Variants in DPYSL3 observed in about 807,000 individuals in gnomAD.
DPYSL3 encodes the protein dihydropyrimidinase like 3.
Under a neutral mutation model 66.1 loss-of-function variants are expected in DPYSL3, and 16 were observed. That is an observed-to-expected ratio of 0.24 (90% confidence interval 0.16 to 0.37). The LOEUF (loss-of-function observed/expected upper bound fraction) is 0.37, where lower values mean the gene tolerates loss of function less well. Among genes scored for constraint, DPYSL3 ranks in the 10% least tolerant of loss-of-function variants. The pLI is 1.00. For missense variants in DPYSL3, 738 were observed against 916.2 expected (o/e 0.81, Z 2.51); for synonymous variants, 338 against 345.1 (o/e 0.98, Z 0.23).
chr5:147,480,413 C>T (rs563136197), intron 1 of DPYSL3, among the ~76,000 whole-genome samples: 8 of 152,204 alleles, frequency 5.3e-5, no homozygotes, highest in East Asian at 3.9e-4. Context: ...TGTCTCTTTT[C>T]GCTCTTTCAA....
intron 1 of DPYSL3, among the ~76,000 whole-genome samples, chr5:147,467,908 T>A (rs1753034246): frequency 6.6e-6 from 1 of 152,162 alleles, no homozygotes; most frequent in Non-Finnish European, 1.5e-5. Flanking sequence ...GCCTTCTAGG[T>A]CCTCACCTGG....
intron 1 of DPYSL3, among the ~76,000 whole-genome samples, chr5:147,490,179 T>G (rs1229258187): frequency 6.6e-6 from 1 of 152,108 alleles, no homozygotes; most frequent in Non-Finnish European, 1.5e-5. Context: ...TCTCCTGATT[T>G]TGCACACCCC....
rs60425528 is a variant in DPYSL3, at chr5:147,486,705, C to T, written c.381+22773G>A. Among the ~76,000 whole-genome samples, 1,461 of 152,012 alleles carry T rather than the reference C, an allele frequency of 9.6e-3. 18 individuals are homozygous for T. Among genetic ancestry groups the T allele is most frequent in the African/African-American group, 0.034 (1,405 of 41,344 alleles). ...CTCATGGTGGACACTGAGTAAACATCTGTTGGGTCCGTAAGTGGATGAAAG... is the reference window on the plus strand; with the variant it reads ...CTCATGGTGGACACTGAGTAAACATTTGTTGGGTCCGTAAGTGGATGAAAG... On this transcript the variant is annotated intron_variant, in intron 1 of 13. Coordinates refer to ENST00000343218, the MANE Select transcript of DPYSL3 (RefSeq NM_001197294.2).
At chr5:147,482,693 C>A (rs774715982) in intron 1 of DPYSL3, among the ~76,000 whole-genome samples, 1 of 152,160 alleles carries the variant, frequency 6.6e-6, no homozygotes, top group South Asian at 2.1e-4. Context: ...ATTGAGCTTA[C>A]GCATAAGATT....
chr5:147,467,553 C>A (rs1358470408), intron 1 of DPYSL3, among the ~76,000 whole-genome samples: 1 of 152,134 alleles, frequency 6.6e-6, no homozygotes, highest in Non-Finnish European at 1.5e-5. Context: ...AGTACATATA[C>A]AGAACGCCTT....
Position 147,400,700 on chromosome 5 carries a change from T to C in DPYSL3, c.1444A>G (p.Lys482Glu). Residue 482 changes from lysine (K) to glutamate (E), a missense_variant, in exon 10 of 14, where the codon AAG becomes GAG. Transcript: ENST00000343218. ...VEERMSVIWDKAVATGKMDEN... is the reference protein window; with the variant it reads ...VEERMSVIWDEAVATGKMDEN... The stretch of plus-strand genomic sequence containing the variant: ...TGACCTCCATGCCTTACCACAGCCT[T>C]GTCCCAGATGACAGACATCCGCTCC... 1 of 1,614,076 alleles carries C rather than the reference T, an allele frequency of 6.2e-7. No homozygotes were observed. Among genetic ancestry groups the C allele is most frequent in the Non-Finnish European group, 8.5e-7 (1 of 1,179,950 alleles).
intron 7 of DPYSL3, among the ~76,000 whole-genome samples, chr5:147,406,690 T>A (rs1158526366): frequency 6.6e-6 from 1 of 152,224 alleles, no homozygotes; most frequent in East Asian, 1.9e-4. Context: ...TCTCAACTTG[T>A]GTAAGTTAGT....
chr5:147,487,661 C>T (rs1474950044), intron 1 of DPYSL3, among the ~76,000 whole-genome samples: 1 of 152,204 alleles, frequency 6.6e-6, no homozygotes, highest in Non-Finnish European at 1.5e-5. Flanking sequence ...GCTGCTTTTA[C>T]AGTATAGAGT....
chr5:147,476,244 G>C (rs1407514349), intron 1 of DPYSL3, among the ~76,000 whole-genome samples: 1 of 152,052 alleles, frequency 6.6e-6, no homozygotes, highest in Non-Finnish European at 1.5e-5. Context: ...TTAGTTCCAT[G>C]ATCATCTAGT....
chr5:147,414,266 G>A lies in DPYSL3; in HGVS notation c.821-609C>T, dbSNP rs116458597. ...GTGCAGGGTGTTGGATCAGAAAGGA[G>A]AACTAAGATACAGATCCTACCCTTA... On this transcript the variant is annotated intron_variant, in intron 4 of 13. Transcript: ENST00000343218. 6.4e-3 allele frequency among the ~76,000 whole-genome samples: 970 copies of A among 152,266 alleles called. 6 individuals carry two copies. Among genetic ancestry groups the A allele is most frequent in the African/African-American group, 0.022 (902 of 41,550 alleles).
intron 4 of DPYSL3, among the ~76,000 whole-genome samples, chr5:147,414,980 G>A (rs1751932305): frequency 6.6e-6 from 1 of 152,146 alleles, no homozygotes; most frequent in Non-Finnish European, 1.5e-5. Flanking sequence ...AGACCCCCAG[G>A]CCGCCTTACA....
chr5:147,497,347 A>C (rs996133400), intron 1 of DPYSL3, among the ~76,000 whole-genome samples: 1 of 152,080 alleles, frequency 6.6e-6, no homozygotes, highest in South Asian at 2.1e-4. Flanking sequence ...ACATGTATAC[A>C]TATGTAATAA....
At chr5:147,426,189 G>C (rs926570990) in intron 1 of DPYSL3, among the ~76,000 whole-genome samples, 1 of 152,116 alleles carries the variant, frequency 6.6e-6, no homozygotes, top group Non-Finnish European at 1.5e-5. Context: ...GGCTTGTTTA[G>C]AGGCTGGAAA....
At chr5:147,464,855 G>C (rs1252779012) in intron 1 of DPYSL3, among the ~76,000 whole-genome samples, 2 of 152,140 alleles carry the variant, frequency 1.3e-5, no homozygotes, top group African/African-American at 4.8e-5. Context: ...GACCTCCCAA[G>C]AGAAGAGACC....
At chr5:147,491,337 C>G (rs934094170) in intron 1 of DPYSL3, among the ~76,000 whole-genome samples, 3 of 152,164 alleles carry the variant, frequency 2.0e-5, no homozygotes, top group South Asian at 4.1e-4. Context: ...TTACTAATGG[C>G]CTATTTACTA....
chr5:147,411,596 A>T (rs1310370846), intron 6 of DPYSL3, among the ~76,000 whole-genome samples: 1 of 152,184 alleles, frequency 6.6e-6, no homozygotes, highest in Non-Finnish European at 1.5e-5. Context: ...GTGAAAATTA[A>T]ATGAGAATAC....
intron 1 of DPYSL3, among the ~76,000 whole-genome samples, chr5:147,508,964 G>A (rs1753718704): frequency 6.6e-6 from 1 of 152,158 alleles, no homozygotes; most frequent in African/African-American, 2.4e-5. Flanking sequence ...CAGGGACAGA[G>A]CTGATGTTTG....
At chr5:147,434,010 CAG>C (rs1482145660) in intron 1 of DPYSL3, among the ~76,000 whole-genome samples, 6 of 140,880 alleles carry the variant, frequency 4.3e-5, no homozygotes, top group African/African-American at 1.6e-4. Flanking sequence ...AGCCTGGTGA[CAG>C]AGCAAAACTC....
chr5:147,502,571 C>CTTTTTTT (rs71001435), intron 1 of DPYSL3, among the ~76,000 whole-genome samples: 1 of 95,194 alleles, frequency 1.1e-5, no homozygotes, highest in African/African-American at 4.4e-5. Flanking sequence ...CTTAATAATG[C>CTTTTTTT]TTTTTTTTTT....
Sources: gnomAD v4.1 joint callset for allele counts (sites outside exome capture counted in the v4.1 genomes callset) on GRCh38, gnomAD v4.1.1 for gene constraint, MANE v1.5 for transcripts, NCBI Gene and HGNC (gene_info 2026-07-23, HGNC 2026-07-21) for gene names.